The following CASK variants were observed in gnomAD, a reference collection of about 807,000 sequenced individuals.
The protein encoded by CASK is calcium/calmodulin dependent serine protein kinase.
In CASK, 4 loss-of-function variants were observed where a neutral mutation model predicts 82.9. The ratio of observed to expected loss-of-function variants is 0.05; its 90% CI spans 0.02 to 0.11. The LOEUF (loss-of-function observed/expected upper bound fraction) is 0.11, where lower values mean the gene tolerates loss of function less well. Ranked by LOEUF, CASK falls within the 10% of genes least tolerant of loss-of-function variation. The pLI is 1.00. For synonymous variants in CASK, 259 were observed against 253.5 expected (o/e 1.02, Z -0.20); for missense variants, 358 against 720.9 (o/e 0.50, Z 5.76).
At chrX:41,626,996 A>G (rs2066389078) in intron 9 of CASK, among the ~76,000 whole-genome samples, 1 of 112,265 alleles carries the variant, frequency 8.9e-6, no homozygotes, top group Non-Finnish European at 1.9e-5. Context: ...ATGATGTTGT[A>G]GAAGGGTGTT....
At chrX:41,644,298 T>C (rs187065015) in intron 8 of CASK, among the ~76,000 whole-genome samples, 1 of 112,402 alleles carries the variant, frequency 8.9e-6, no homozygotes. Context: ...ATGAAGATTT[T>C]ATAGACATTT....
intron 9 of CASK, among the ~76,000 whole-genome samples, 198 bp from the exon 10 acceptor site, chrX:41,626,901 C>T (rs746396866): frequency 3.6e-5 from 4 of 111,729 alleles, no homozygotes; most frequent in Admixed American, 9.5e-5. Context: ...TAACACTAAT[C>T]GGGAATTGTA....
In CASK at chrX:41,578,453, T is replaced by C. The variant is rs886042221; in HGVS notation, c.1390A>G (p.Thr464Ala). 8.3e-7 allele frequency: 1 copy of C among 1,204,333 alleles called. No homozygotes were observed. The highest frequency in any genetic ancestry group is 2.2e-5 in the Admixed American group (1 of 45,950). ...DEALRVTPPP[T>A]SPYLNGDSPE... ...GAATCGCCGTTTAAATAGGGAGAGG[T>C]GGGAGGAGGTGTGACCCTCAATGCT... is the stretch of plus-strand genomic sequence containing the variant. The change falls in exon 15 of 27, where the codon ACC (threonine) becomes GCC (alanine). Residue 464 changes from threonine to alanine, a missense_variant. Physicochemically the swap from Thr to Ala is moderately conservative, Grantham distance 58 (BLOSUM62 0). Transcript: ENST00000378163.
At chrX:41,873,031 CT>C (rs1428054204) in intron 1 of CASK, among the ~76,000 whole-genome samples, 1 of 111,166 alleles carries the variant, frequency 9.0e-6, no homozygotes, top group African/African-American at 3.3e-5. Flanking sequence ...CAGAAAAGTG[CT>C]TTTGTCAGAA....
At chrX:41,674,025 T>C (rs1458738379) in intron 5 of CASK, among the ~76,000 whole-genome samples, 2 of 110,065 alleles carry the variant, frequency 1.8e-5, no homozygotes, top group Non-Finnish European at 3.8e-5. Flanking sequence ...AAATATTTTG[T>C]AAAGTGAGCT....
At chrX:41,653,687 A>G (rs1309495713) in intron 8 of CASK, among the ~76,000 whole-genome samples, 1 of 112,583 alleles carries the variant, frequency 8.9e-6, no homozygotes, top group Admixed American at 9.4e-5. Context: ...TACTGAAACC[A>G]GAGGGTACAG....
At chrX:41,648,160 A>T (rs992222400) in intron 8 of CASK, among the ~76,000 whole-genome samples, 7 of 111,007 alleles carry the variant, frequency 6.3e-5, no homozygotes, top group Non-Finnish European at 1.3e-4. Context: ...TAAGTCTTTG[A>T]ACTGGCCCCC....
At chrX:41,661,449 C>G (rs749387239) in intron 7 of CASK, among the ~76,000 whole-genome samples, 1 of 111,332 alleles carries the variant, frequency 9.0e-6, no homozygotes, top group Admixed American at 9.6e-5. Flanking sequence ...ATGGCTTTAA[C>G]AGGCAGAGAC....
chrX:41,584,214 G>C (rs1043657672), intron 14 of CASK: 1 of 112,785 alleles, frequency 8.9e-6, no homozygotes, highest in African/African-American at 3.2e-5. Context: ...ATAGGTATCA[G>C]ATAACATCTA....
intron 1 of CASK, among the ~76,000 whole-genome samples, chrX:41,909,069 T>G (rs781459691): frequency 8.9e-6 from 1 of 112,174 alleles, no homozygotes; most frequent in Non-Finnish European, 1.9e-5. Flanking sequence ...ATCTTTAGCG[T>G]GCCTCAGAAT....
intron 1 of CASK, among the ~76,000 whole-genome samples, chrX:41,893,881 A>G (rs982338608): frequency 1.7e-4 from 19 of 112,614 alleles, no homozygotes; most frequent in African/African-American, 5.2e-4. Context: ...TCATTAAGCA[A>G]TGGAAAAACA....
intron 21 of CASK, among the ~76,000 whole-genome samples, chrX:41,544,879 A>G (rs2065000499): frequency 2.7e-5 from 3 of 111,234 alleles, no homozygotes; most frequent in Admixed American, 1.9e-4. Context: ...CCAGCCTGGG[A>G]GACAGAGACC....
chrX:41,560,254 T>A (rs539756299), intron 17 of CASK, among the ~76,000 whole-genome samples: 100 of 111,658 alleles, frequency 9.0e-4, no homozygotes, highest in Middle Eastern at 4.6e-3. Flanking sequence ...TTTTTACTTT[T>A]AAAAATTTTT....
At chrX:41,774,820 C>T (rs1394056913) in intron 3 of CASK, among the ~76,000 whole-genome samples, 1 of 111,085 alleles carries the variant, frequency 9.0e-6, no homozygotes, top group East Asian at 2.8e-4. Context: ...GCTGGGAAAA[C>T]TGGCTAGCCA....
intron 17 of CASK, among the ~76,000 whole-genome samples, chrX:41,560,900 G>GA (rs370968399): frequency 1.5e-4 from 16 of 107,485 alleles, no homozygotes; most frequent in African/African-American, 4.4e-4. Context: ...TCAAAAAAAA[G>GA]AAAAAAAAAT....
At chrX:41,901,488 GAA>G (rs777860030) in intron 1 of CASK, among the ~76,000 whole-genome samples, 2 of 82,243 alleles carry the variant, frequency 2.4e-5, no homozygotes, top group African/African-American at 4.5e-5. Flanking sequence ...CCCTGTCTCA[GAA>G]AAAAAAAAAA....
chrX:41,689,806 C>T (rs185206415), intron 5 of CASK: 2 of 111,724 alleles, frequency 1.8e-5, no homozygotes, highest in East Asian at 2.8e-4. Context: ...AAACTAAAAA[C>T]GGTGAAAGGT....
At chrX:41,840,370 C>A (rs1483728260) in intron 2 of CASK, among the ~76,000 whole-genome samples, 1 of 111,968 alleles carries the variant, frequency 8.9e-6, no homozygotes, top group African/African-American at 3.2e-5. Context: ...ATTTCAAATT[C>A]CACTTGCACA....
Position 41,547,216 on chromosome X carries a change from G to A in CASK, c.2040-4410C>T, listed in dbSNP as rs756687028. ...CCCAAAGTGCTGGGATTACAAGTGTGAGCCACTGCGCCTGGCTTTATTTAT... is the reference window on the plus strand; with the variant it reads ...CCCAAAGTGCTGGGATTACAAGTGTAAGCCACTGCGCCTGGCTTTATTTAT... On this transcript the variant is annotated intron_variant, in intron 21 of 26. Coordinates refer to ENST00000378163, the MANE Select transcript of CASK (RefSeq NM_001367721.1). Among the ~76,000 whole-genome samples, 4 of 112,361 alleles carry A rather than the reference G, an allele frequency of 3.6e-5. No homozygotes were observed. In the South Asian group the frequency reaches 1.5e-3, roughly 41 times the overall value.
Sources: allele counts gnomAD v4.1 joint callset (sites outside exome capture counted in the v4.1 genomes callset), GRCh38; gene constraint gnomAD v4.1.1; transcripts MANE v1.5; gene names NCBI Gene and HGNC (gene_info 2026-07-23, HGNC 2026-07-21).